SLC4A10: variants seen among roughly 807,000 people sequenced by gnomAD.
SLC4A10 encodes sodium-driven chloride bicarbonate exchanger.
Under a neutral mutation model 137.7 loss-of-function variants are expected in SLC4A10, and 42 were observed. That is an observed-to-expected ratio of 0.30 (90% CI 0.24 to 0.39). SLC4A10 has a LOEUF of 0.39. SLC4A10 is among the 10% of genes least tolerant of loss of function. The probability of loss-of-function intolerance (pLI) is 1.00; values close to 1 mark genes in which losing one functional copy is unlikely to be tolerated. For missense variants in SLC4A10, 925 were observed against 1,355.0 expected, an observed-to-expected ratio of 0.68 and a Z score of 4.98; for synonymous variants, 474 against 464.1, an observed-to-expected ratio of 1.02 and a Z score of -0.27.
At chr2:161,709,926 T>C (rs1305753206) in intron 1 of SLC4A10, 1 of 151,602 alleles carries the variant, frequency 6.6e-6, no homozygotes, top group East Asian at 1.9e-4. Context: ...GAGAAATATA[T>C]TGCAGCAGTT....
At chr2:161,712,400 C>G (rs2044386577) in intron 1 of SLC4A10, among the ~76,000 whole-genome samples, 3 of 150,992 alleles carry the variant, frequency 2.0e-5, no homozygotes, top group South Asian at 4.2e-4. Flanking sequence ...TAAAAAAAAG[C>G]CTTTCTTTAA....
chr2:161,637,828 G>A (rs2034678066), intron 1 of SLC4A10, among the ~76,000 whole-genome samples: 1 of 152,056 alleles, frequency 6.6e-6, no homozygotes, highest in African/African-American at 2.4e-5. Context: ...TCTCATTGTG[G>A]TTTTGATTTG....
chr2:161,957,935 A>G (rs1695956113), intron 20 of SLC4A10, among the ~76,000 whole-genome samples: 2 of 152,184 alleles, frequency 1.3e-5, no homozygotes, highest in South Asian at 4.1e-4. Context: ...GTATTTGATC[A>G]TTAACACAAG....
chr2:161,666,125 G>A (rs1427481328), intron 1 of SLC4A10, among the ~76,000 whole-genome samples: 1 of 151,106 alleles, frequency 6.6e-6, no homozygotes, highest in Non-Finnish European at 1.5e-5. Context: ...AAAAGGACAG[G>A]TATCATACAT....
chr2:161,746,793 A>G (rs2048430397), intron 1 of SLC4A10, among the ~76,000 whole-genome samples: 1 of 152,160 alleles, frequency 6.6e-6, no homozygotes, highest in Admixed American at 6.5e-5. Flanking sequence ...CTCTTTAGTC[A>G]GCAGGTGATG....
intron 9 of SLC4A10, among the ~76,000 whole-genome samples, chr2:161,879,569 A>G (rs900061901): frequency 1.1e-5 from 1 of 94,434 alleles, no homozygotes; most frequent in Non-Finnish European, 2.2e-5. Context: ...TTTTTTTTAC[A>G]TTTTTGGTAA....
intron 8 of SLC4A10, among the ~76,000 whole-genome samples, chr2:161,876,982 AT>A (rs2061484948): frequency 6.6e-6 from 1 of 152,092 alleles, no homozygotes; most frequent in Non-Finnish European, 1.5e-5. Flanking sequence ...CTGAATTTAA[AT>A]TCTGTATATT....
intron 2 of SLC4A10, among the ~76,000 whole-genome samples, chr2:161,784,882 G>A (rs145661764): frequency 6.7e-6 from 1 of 150,256 alleles, no homozygotes; most frequent in Admixed American, 6.6e-5. Context: ...TAGCTGATAG[G>A]AAGAACTAGC....
At chr2:161,771,594 A>T (rs1425529955) in intron 2 of SLC4A10, among the ~76,000 whole-genome samples, 2 of 151,874 alleles carry the variant, frequency 1.3e-5, no homozygotes, top group Non-Finnish European at 2.9e-5. Context: ...CTTATTTGTC[A>T]TAGGAACTTC....
At chr2:161,864,428 A>G (rs1405010965) in intron 6 of SLC4A10, among the ~76,000 whole-genome samples, 24 of 152,184 alleles carry the variant, frequency 1.6e-4, no homozygotes, top group Non-Finnish European at 2.9e-5. Context: ...TTTTCATGCT[A>G]CTGTATCAAA....
intron 15 of SLC4A10, among the ~76,000 whole-genome samples, chr2:161,942,078 G>A (rs980385194): frequency 2.0e-5 from 3 of 152,110 alleles, no homozygotes; most frequent in Non-Finnish European, 4.4e-5. Flanking sequence ...GAAACTATAC[G>A]ATATTTTCTA....
At chr2:161,850,803 G>A (rs2059786176) in intron 4 of SLC4A10, among the ~76,000 whole-genome samples, 1 of 152,056 alleles carries the variant, frequency 6.6e-6, no homozygotes, top group South Asian at 2.1e-4. Context: ...GTAATGTTAG[G>A]TTGTTAACTT....
intron 15 of SLC4A10, among the ~76,000 whole-genome samples, chr2:161,926,149 G>A (rs982680815): frequency 6.6e-6 from 1 of 151,862 alleles, no homozygotes; most frequent in South Asian, 2.1e-4. Flanking sequence ...GTTGACAGTG[G>A]GATGTTAAAG....
Position 161,839,921 on chromosome 2 carries a change from C to G in SLC4A10, c.410C>G (p.Thr137Arg). ...GGTGAGGACGCTGAGTGGCGAGAAA[C>G]AGCCAGGTGAGGATTTTTGTTAAAG... ...REGEDAEWRETARWLKFEEDV... is the reference protein window; with the variant it reads ...REGEDAEWRERARWLKFEEDV... The change falls in exon 4 of 27, where the codon ACA becomes AGA. Residue 137 changes from threonine (T) to arginine (R), a missense_variant. By Grantham distance (71) the Thr-to-Arg change is moderately conservative (BLOSUM62 -1). This residue lies in a region of SLC4A10 where 138 missense variants were observed against 171.3 expected (regional missense o/e 0.81). Coordinates refer to ENST00000446997, the MANE Select transcript of SLC4A10 (RefSeq NM_001178015.2). The G allele has an allele frequency of 6.2e-7, 1 of 1,613,728 alleles. No individual in the cohort carries two copies. The highest frequency in any genetic ancestry group is 8.5e-7 in the Non-Finnish European group (1 of 1,179,720).
chr2:161,888,549 G>A (rs1166518860), intron 10 of SLC4A10, among the ~76,000 whole-genome samples: 1 of 152,048 alleles, frequency 6.6e-6, no homozygotes, highest in Admixed American at 6.6e-5. Flanking sequence ...TATTCTCTTT[G>A]TAGCAATTGT....
chr2:161,780,791 C>T (rs577117862), intron 2 of SLC4A10, among the ~76,000 whole-genome samples: 1 of 151,788 alleles, frequency 6.6e-6, no homozygotes, highest in African/African-American at 2.4e-5. Context: ...TAAGCTTGAG[C>T]CTGGATAAAA....
chr2:161,739,635 C>T (rs950605521), intron 1 of SLC4A10, among the ~76,000 whole-genome samples: 3 of 152,136 alleles, frequency 2.0e-5, no homozygotes, highest in Admixed American at 2.0e-4. Flanking sequence ...CCATACTTAC[C>T]GGCATCAATC....
chr2:161,837,255 T>C (rs1406746880), intron 3 of SLC4A10, among the ~76,000 whole-genome samples: 1 of 152,100 alleles, frequency 6.6e-6, no homozygotes, highest in African/African-American at 2.4e-5. Context: ...TTTAATAAGG[T>C]TGAAGGATAC....
At chr2:161,875,252 TTAGC>T (rs2061392171) in intron 8 of SLC4A10, among the ~76,000 whole-genome samples, 1 of 152,180 alleles carries the variant, frequency 6.6e-6, no homozygotes, top group South Asian at 2.1e-4. Flanking sequence ...TTGATATTTT[TTAGC>T]CTTATGATTT....
Sources: allele counts gnomAD v4.1 joint callset (sites outside exome capture counted in the v4.1 genomes callset), GRCh38; gene constraint gnomAD v4.1.1; regional missense constraint gnomAD v4.1.1; transcripts MANE v1.5; gene names NCBI Gene and HGNC (gene_info 2026-07-23, HGNC 2026-07-21).